URI1: variants seen among roughly 807,000 people sequenced by gnomAD.
The protein encoded by URI1 is unconventional prefoldin RPB5 interactor 1.
A neutral mutation model predicts 60.2 loss-of-function variants in URI1; 39 were observed. The ratio of observed to expected loss-of-function variants is 0.65; its 90% CI spans 0.50 to 0.85. The LOEUF (loss-of-function observed/expected upper bound fraction) is 0.85, where lower values mean the gene tolerates loss of function less well. Ranked by LOEUF, URI1 falls within the 40% of genes least tolerant of loss-of-function variation. The pLI, the probability that URI1 is intolerant of heterozygous loss-of-function variation, is 0.00. For synonymous variants in URI1, 251 were observed against 236.8 expected (o/e 1.06, Z -0.55); for missense variants, 691 against 665.9 (o/e 1.04, Z -0.42).
chr19:29,985,402 G>A, intron 3 of URI1, 101 bp downstream of exon 3: 1 of 894,342 alleles, frequency 1.1e-6, no homozygotes. Context: ...TGTGTCCAAG[G>A]TAACTATGTA....
chr19:29,945,125 ACT>A (rs2055086902), intron 1 of URI1, among the ~76,000 whole-genome samples: 1 of 152,048 alleles, frequency 6.6e-6, no homozygotes, highest in Non-Finnish European at 1.5e-5. Context: ...ACAGAGTTAA[ACT>A]CTGCAGAAAA....
At chr19:29,996,411 A>G (rs570198948) in intron 4 of URI1, among the ~76,000 whole-genome samples, 2 of 151,660 alleles carry the variant, frequency 1.3e-5, no homozygotes, top group African/African-American at 4.8e-5. Context: ...AATGCAGTTG[A>G]TTTTTGTGTG....
intron 2 of URI1, among the ~76,000 whole-genome samples, chr19:29,981,001 A>G (rs890212693): frequency 6.6e-6 from 1 of 151,866 alleles, no homozygotes; most frequent in Non-Finnish European, 1.5e-5. Context: ...TAAAATTAGC[A>G]AAGTCTTATT....
chr19:30,011,937 C>T (rs1049677595), intron 9 of URI1, among the ~76,000 whole-genome samples: 4 of 151,804 alleles, frequency 2.6e-5, no homozygotes, highest in African/African-American at 4.8e-5. Context: ...TTAGGAGATA[C>T]ACCTAATGTA....
At chr19:29,925,134 C>CT (rs2054855123) in intron 1 of URI1, among the ~76,000 whole-genome samples, 1 of 152,274 alleles carries the variant, frequency 6.6e-6, no homozygotes, top group Non-Finnish European at 1.5e-5. Flanking sequence ...CCACACCTTG[C>CT]TGCACCCTCT....
chr19:29,975,321 A>G lies in URI1; in HGVS notation c.152+4094A>G, dbSNP rs79374354. On this transcript the variant is annotated intron_variant, in intron 2 of 10. Transcript: ENST00000392271. ...CTAAGCCGTATCATTCCATCTGGAAATATTTCAGTATATATCTTTAAGAGA... is the reference window on the plus strand; with the variant it reads ...CTAAGCCGTATCATTCCATCTGGAAGTATTTCAGTATATATCTTTAAGAGA... 7.7e-3 allele frequency among the ~76,000 whole-genome samples: 1,174 copies of G among 152,230 alleles called. 6 individuals are homozygous for G. The highest frequency in any genetic ancestry group is 0.011 in the Non-Finnish European group (768 of 68,024).
chr19:29,927,093 C>G (rs2054874757), intron 1 of URI1, among the ~76,000 whole-genome samples: 2 of 152,174 alleles, frequency 1.3e-5, no homozygotes, highest in African/African-American at 4.8e-5. Context: ...CCTGCAGAGG[C>G]TACTGGACTT....
At chr19:29,939,516 C>T (rs1046150980), upstream of URI1, among the ~76,000 whole-genome samples, 8 of 145,762 alleles carry the variant, frequency 5.5e-5, no homozygotes, top group South Asian at 6.6e-4. Context: ...TCAAATGATC[C>T]GCCTGCCTCC....
At chr19:29,946,714 A>G (rs1431556726) in intron 1 of URI1, among the ~76,000 whole-genome samples, 3 of 152,240 alleles carry the variant, frequency 2.0e-5, no homozygotes, top group Non-Finnish European at 2.9e-5. Flanking sequence ...TAAACTGCAC[A>G]TAGTTTAAAG....
At chr19:29,963,297 T>C (rs2055349282) in intron 1 of URI1, among the ~76,000 whole-genome samples, 1 of 152,178 alleles carries the variant, frequency 6.6e-6, no homozygotes, top group African/African-American at 2.4e-5. Context: ...TTTTCCATGT[T>C]TTATTTTTGA....
At chr19:29,925,967 TG>T (rs1284509439) in intron 1 of URI1, 2 of 152,196 alleles carry the variant, frequency 1.3e-5, no homozygotes, top group African/African-American at 4.8e-5. Flanking sequence ...GATTGGAAGT[TG>T]GAATAGTGGT....
chr19:29,966,069 G>T (rs1212393996), intron 1 of URI1, among the ~76,000 whole-genome samples: 1 of 152,172 alleles, frequency 6.6e-6, no homozygotes, highest in Non-Finnish European at 1.5e-5. Context: ...TAGCAGTTTT[G>T]CTTTGCAGCA....
upstream of URI1, among the ~76,000 whole-genome samples, chr19:29,942,031 C>T (rs2055029921): frequency 1.6e-5 from 1 of 62,526 alleles, no homozygotes; most frequent in South Asian, 8.1e-4. Flanking sequence ...CTTTCATATA[C>T]GTAATCTCAA....
chr19:29,987,484 G>A (rs2055686568), intron 4 of URI1, among the ~76,000 whole-genome samples: 1 of 152,182 alleles, frequency 6.6e-6, no homozygotes, highest in Admixed American at 6.5e-5. Flanking sequence ...TTCTGGCAAT[G>A]ATAAATCTTT....
chr19:30,005,390 A>G lies in URI1; in HGVS notation c.397A>G (p.Lys133Glu). Residue 133 changes from lysine to glutamate, a missense_variant, in exon 5 of 11, where the codon AAA (lysine) becomes GAA (glutamate). Physicochemically the swap from Lys to Glu is moderately conservative, Grantham distance 56. Transcript: ENST00000392271. ...HVRKTIDDLK[K>E]VMKNFESRVE... is the part of the protein sequence containing the mutation. ...AAGAAAAACAATAGATGACTTAAAAAAAGTGATGAAAAATTTTGAATCCAG... is the reference window on the plus strand; with the variant it reads ...AAGAAAAACAATAGATGACTTAAAAGAAGTGATGAAAAATTTTGAATCCAG... 5.0e-6 allele frequency: 8 copies of G among 1,602,934 alleles called. No individual in the cohort carries two copies. The highest frequency in any genetic ancestry group is 6.8e-6 in the Non-Finnish European group (8 of 1,175,384).
rs545423098 is a variant in URI1, at chr19:29,943,557, C to T, written c.117+893C>T. On this transcript the variant is annotated intron_variant, in intron 1 of 10. Coordinates refer to ENST00000392271, the MANE Select transcript of URI1 (RefSeq NM_003796.3). ...AAAGGGTTAGGAAGTTGCTTCAACA[C>T]TATAAGCAGTTTAAAAGTTCTTAAC... Among the ~76,000 whole-genome samples the T allele has an allele frequency of 8.5e-5, 13 of 152,268 alleles. No homozygotes were observed. The East Asian group carries it at 2.5e-3, about 29-fold the overall frequency.
At chr19:29,934,702 A>AT (rs964970250) in intron 1 of URI1, among the ~76,000 whole-genome samples, 14 of 151,378 alleles carry the variant, frequency 9.2e-5, no homozygotes, top group South Asian at 2.1e-4. Flanking sequence ...AACCTGGCTT[A>AT]TTTTTTTTTA....
At chr19:29,975,319 A>T (rs1485088224) in intron 2 of URI1, among the ~76,000 whole-genome samples, 13 of 152,138 alleles carry the variant, frequency 8.5e-5, no homozygotes. Context: ...TTCCATCTGG[A>T]AATATTTCAG....
chr19:29,951,858 T>G (rs1028591965), intron 1 of URI1, among the ~76,000 whole-genome samples: 1 of 152,200 alleles, frequency 6.6e-6, no homozygotes, highest in African/African-American at 2.4e-5. Flanking sequence ...TGTGCATTCT[T>G]TTTTCATTAT....
Sources: allele counts gnomAD v4.1 joint callset (sites outside exome capture counted in the v4.1 genomes callset), GRCh38; gene constraint gnomAD v4.1.1; transcripts MANE v1.5; gene names NCBI Gene and HGNC (gene_info 2026-07-23, HGNC 2026-07-21).